RSU1: variants seen among roughly 807,000 people sequenced by gnomAD.
The protein encoded by RSU1 is rsu-1.
In RSU1, 26 loss-of-function variants were observed where a neutral mutation model predicts 31.1. The observed-to-expected ratio is 0.84, with a 90% CI of 0.61 to 1.16. The LOEUF is 1.16. RSU1 is among the 50% of genes most tolerant of loss of function. The pLI, the probability that RSU1 is intolerant of heterozygous loss-of-function variation, is 0.00. For missense variants in RSU1, 320 were observed against 339.1 expected, an observed-to-expected ratio of 0.94 and a Z score of 0.44; for synonymous variants, 164 against 136.3, an observed-to-expected ratio of 1.20 and a Z score of -1.41.
chr10:16,633,419 A>T (rs570050479), intron 8 of RSU1, among the ~76,000 whole-genome samples: 1 of 152,078 alleles, frequency 6.6e-6, no homozygotes, highest in South Asian at 2.1e-4. Context: ...ACAGAAATAA[A>T]ATGCTTATTG....
At position 16,729,692 on chromosome 10, in the gene RSU1, T is replaced by C. The variant is rs1490623164; in HGVS notation, c.598+22847A>G. On this transcript the variant is annotated intron_variant, in intron 7 of 8. Coordinates refer to ENST00000345264, the MANE Select transcript of RSU1 (RefSeq NM_012425.4). ...AGGATTCAGATGGGTTAGGGGTTTA[T>C]TTTTCTTTTTTATGGCATTGATATC... Among the ~76,000 whole-genome samples, 9 of 152,206 alleles carry C rather than the reference T, an allele frequency of 5.9e-5. No homozygotes were observed. The East Asian group carries it at 1.7e-3, about 29-fold the overall frequency.
intron 2 of RSU1, among the ~76,000 whole-genome samples, chr10:16,792,455 AC>A: frequency 6.6e-6 from 1 of 151,830 alleles, no homozygotes; most frequent in Non-Finnish European, 1.5e-5. Context: ...CTGGTCTCGA[AC>A]TCCCGACCTC....
At chr10:16,659,299 T>G (rs1834844041) in intron 8 of RSU1, among the ~76,000 whole-genome samples, 2 of 140,740 alleles carry the variant, frequency 1.4e-5, no homozygotes. Context: ...TGAGGTTATA[T>G]TCTTTTTTTT....
intron 7 of RSU1, among the ~76,000 whole-genome samples, chr10:16,725,142 T>G (rs963333401): frequency 6.6e-6 from 1 of 152,196 alleles, no homozygotes; most frequent in Admixed American, 6.5e-5. Context: ...TAAGCTTATG[T>G]TATATGCGCT....
intron 2 of RSU1, among the ~76,000 whole-genome samples, chr10:16,807,332 T>A (rs1838294920): frequency 6.6e-6 from 1 of 152,142 alleles, no homozygotes; most frequent in African/African-American, 2.4e-5. Context: ...ATAAGAAGGA[T>A]CTTTATGAGG....
chr10:16,790,878 G>A (rs1837899269), intron 2 of RSU1, among the ~76,000 whole-genome samples: 1 of 152,132 alleles, frequency 6.6e-6, no homozygotes, highest in Non-Finnish European at 1.5e-5. Flanking sequence ...ATGATTATAA[G>A]TTTTCTGAAG....
In RSU1 at chr10:16,744,382, T is replaced by C. The variant is rs962047567; in HGVS notation, c.598+8157A>G. On this transcript the variant is annotated intron_variant, in intron 7 of 8. Transcript: ENST00000345264. ...TGGTTCAGAACAGTGGTTGTTATCA[T>C]GAATTCTGGGAGAATAAAAAAAATC... 2.6e-5 allele frequency among the ~76,000 whole-genome samples: 4 copies of C among 152,160 alleles called. No homozygotes were observed. In the East Asian group the frequency reaches 5.8e-4, roughly 22 times the overall value.
chr10:16,622,559 A>T (rs1031869890), intron 8 of RSU1, among the ~76,000 whole-genome samples: 1 of 152,224 alleles, frequency 6.6e-6, no homozygotes, highest in African/African-American at 2.4e-5. Context: ...ACACACACAT[A>T]CACACAGGTG....
chr10:16,724,010 G>A (rs749742324), intron 7 of RSU1, among the ~76,000 whole-genome samples: 4 of 151,666 alleles, frequency 2.6e-5, no homozygotes, highest in South Asian at 2.1e-4. Flanking sequence ...GTATGATCTC[G>A]GCTCACTGCA....
At chr10:16,769,530 G>C (rs1275059989) in intron 3 of RSU1, among the ~76,000 whole-genome samples, 1 of 152,162 alleles carries the variant, frequency 6.6e-6, no homozygotes, top group African/African-American at 2.4e-5. Context: ...AAACCACAGA[G>C]ACGTCAGAAT....
At chr10:16,805,303 G>C (rs552246273) in intron 2 of RSU1, among the ~76,000 whole-genome samples, 1 of 152,288 alleles carries the variant, frequency 6.6e-6, no homozygotes, top group African/African-American at 2.4e-5. Context: ...AACTAGGAAC[G>C]GGGGATGGAG....
At chr10:16,767,179 G>C (rs1393635173) in intron 3 of RSU1, 1 of 152,144 alleles carries the variant, frequency 6.6e-6, no homozygotes, top group African/African-American at 2.4e-5. Context: ...GCCTTCATCT[G>C]ATTAGTTTGA....
chr10:16,609,020 A>T (rs1833850896), intron 8 of RSU1, among the ~76,000 whole-genome samples: 1 of 151,774 alleles, frequency 6.6e-6, no homozygotes, highest in Admixed American at 6.6e-5. Context: ...TTTTGTAGAG[A>T]TAGGGCCTTG....
chr10:16,656,765 A>C (rs544382251), intron 8 of RSU1, among the ~76,000 whole-genome samples: 3 of 152,252 alleles, frequency 2.0e-5, no homozygotes, highest in African/African-American at 4.8e-5. Context: ...TGCACAAAGC[A>C]AAGTGGCTTT....
intron 7 of RSU1, among the ~76,000 whole-genome samples, chr10:16,715,449 G>A (rs1312249969): frequency 6.6e-6 from 1 of 152,122 alleles, no homozygotes; most frequent in African/African-American, 2.4e-5. Context: ...CTTACATTTA[G>A]GTTTTTTATT....
At chr10:16,598,834 T>C (rs537868758) in intron 8 of RSU1, among the ~76,000 whole-genome samples, 7 of 152,178 alleles carry the variant, frequency 4.6e-5, no homozygotes, top group Non-Finnish European at 8.8e-5. Context: ...AGAACTAACA[T>C]AGTAGGTGAG....
At chr10:16,732,484 A>ATG (rs1019514337) in intron 7 of RSU1, among the ~76,000 whole-genome samples, 14 of 152,320 alleles carry the variant, frequency 9.2e-5, no homozygotes, top group Admixed American at 5.9e-4. Context: ...TACAGAAAGG[A>ATG]TGTGTCACCT....
intron 8 of RSU1, among the ~76,000 whole-genome samples, chr10:16,601,659 C>T (rs1588668413): frequency 6.6e-6 from 1 of 152,204 alleles, no homozygotes; most frequent in East Asian, 1.9e-4. Context: ...CAACCTCTGG[C>T]CCCTGGATGG....
intron 7 of RSU1, among the ~76,000 whole-genome samples, chr10:16,733,505 C>T (rs1468204215): frequency 2.0e-5 from 3 of 151,844 alleles, no homozygotes; most frequent in Admixed American, 1.3e-4. Context: ...GAGACTCTGT[C>T]GCAAAACAAA....
Sources: gnomAD v4.1 joint callset for allele counts (sites outside exome capture counted in the v4.1 genomes callset) on GRCh38, gnomAD v4.1.1 for gene constraint, MANE v1.5 for transcripts, NCBI Gene and HGNC (gene_info 2026-07-23, HGNC 2026-07-21) for gene names.